The following INPP4B variants were observed in gnomAD, a reference collection of about 807,000 sequenced individuals.
The protein encoded by INPP4B is inositol polyphosphate-4-phosphatase type II B, also known as inositol polyphosphate 4-phosphatase type II.
INPP4B carries 55 observed loss-of-function variants against 122.5 expected under a neutral mutation model. The ratio of observed to expected loss-of-function variants is 0.45; its 90% CI spans 0.36 to 0.56. INPP4B has a LOEUF of 0.56. Among genes scored for constraint, INPP4B ranks in the 20% least tolerant of loss-of-function variants. The pLI, the probability that INPP4B is intolerant of heterozygous loss-of-function variation, is 0.00. For synonymous variants in INPP4B, 403 were observed against 388.7 expected (o/e 1.04, Z -0.43); for missense variants, 1,000 against 1,097.7 (o/e 0.91, Z 1.26).
chr4:142,405,307 C>G lies in INPP4B; in HGVS notation c.154G>C (p.Ala52Pro). ...EFILACKDLV[A>P]PVRDRKLNTL... ...TTCAGTTTACGATCACGGACAGGAG[C>G]CACGAGATCCTTGCATGCTGGCAAC... Residue 52 changes from alanine to proline, a missense_variant, in exon 6 of 26, where the codon GCT (alanine) becomes CCT (proline). Transcript: ENST00000262992. The G allele has an allele frequency of 6.8e-6, 11 of 1,609,264 alleles. No homozygotes were observed. Among genetic ancestry groups the G allele is most frequent in the Non-Finnish European group, 9.4e-6 (11 of 1,176,020 alleles).
At chr4:142,497,993 G>A (rs1360079765) in intron 2 of INPP4B, among the ~76,000 whole-genome samples, 6 of 151,970 alleles carry the variant, frequency 3.9e-5, no homozygotes, top group African/African-American at 1.4e-4. Context: ...AGAAAAAACT[G>A]CAGTCAAAGC....
Position 142,055,741 on chromosome 4 carries a change from C to T in INPP4B, c.2642+26290G>A, listed in dbSNP as rs181545985. ...TGTGTTCATGGAATATTAGAAGGAT[C>T]CTTTAACACAGCAGTCCCCACACTT... On this transcript the variant is annotated intron_variant, in intron 25 of 25. Transcript: ENST00000262992. Among the ~76,000 whole-genome samples, 3 of 150,842 alleles carry T rather than the reference C, an allele frequency of 2.0e-5. No individual in the cohort carries two copies. In the East Asian group the frequency reaches 5.9e-4, roughly 30 times the overall value.
intron 25 of INPP4B, among the ~76,000 whole-genome samples, chr4:142,054,064 G>T (rs988344821): frequency 7.5e-6 from 1 of 134,226 alleles, no homozygotes; most frequent in African/African-American, 2.8e-5. Flanking sequence ...ATTGTCTTTG[G>T]ATAACATTGC....
intron 1 of INPP4B, among the ~76,000 whole-genome samples, chr4:142,827,134 C>T (rs1257769622): frequency 6.6e-6 from 1 of 152,122 alleles, no homozygotes; most frequent in African/African-American, 2.4e-5. Flanking sequence ...TTGGTTTCAC[C>T]CCACACAGCA....
intron 2 of INPP4B, among the ~76,000 whole-genome samples, chr4:142,712,828 T>G (rs907518319): frequency 5.9e-5 from 9 of 152,254 alleles, no homozygotes; most frequent in African/African-American, 2.2e-4. Context: ...TATCCTCATC[T>G]AATTTTCACA....
At chr4:142,623,614 A>T (rs564157990) in intron 2 of INPP4B, among the ~76,000 whole-genome samples, 1 of 151,730 alleles carries the variant, frequency 6.6e-6, no homozygotes, top group East Asian at 1.9e-4. Flanking sequence ...CATGCGCACA[A>T]TGTGCAGGTT....
chr4:142,645,380 T>C (rs1236609547), intron 2 of INPP4B, among the ~76,000 whole-genome samples: 3 of 152,202 alleles, frequency 2.0e-5, no homozygotes, highest in Non-Finnish European at 4.4e-5. Context: ...GAGGCATTAA[T>C]TTGTTTCCAA....
chr4:142,551,152 C>T (rs1378142093), intron 2 of INPP4B, among the ~76,000 whole-genome samples: 4 of 152,180 alleles, frequency 2.6e-5, no homozygotes, highest in African/African-American at 9.7e-5. Context: ...GGCTGCCCAG[C>T]AAGCACACAT....
chr4:142,593,730 A>T (rs1249993489), intron 2 of INPP4B, among the ~76,000 whole-genome samples: 1 of 152,082 alleles, frequency 6.6e-6, no homozygotes, highest in African/African-American at 2.4e-5. Flanking sequence ...CTTTTATAAC[A>T]ATATTATTAT....
chr4:142,154,912 AAC>A (rs561613866), intron 17 of INPP4B, among the ~76,000 whole-genome samples: 153 of 152,172 alleles, frequency 1.0e-3, no homozygotes, highest in African/African-American at 3.5e-3. Flanking sequence ...ACATGGAGAA[AAC>A]AGACATATAA....
chr4:142,051,982 G>T (rs2152395709), intron 25 of INPP4B, among the ~76,000 whole-genome samples: 1 of 152,010 alleles, frequency 6.6e-6, no homozygotes, highest in Admixed American at 6.6e-5. Context: ...ATAAGTAAAG[G>T]TAATAACACC....
At chr4:142,740,395 C>T (rs1767730208) in intron 1 of INPP4B, among the ~76,000 whole-genome samples, 1 of 151,990 alleles carries the variant, frequency 6.6e-6, no homozygotes, top group Non-Finnish European at 1.5e-5. Flanking sequence ...CGCTTTTCTG[C>T]TTCAAAACAT....
At chr4:142,186,358 C>G in intron 15 of INPP4B, among the ~76,000 whole-genome samples, 1 of 152,152 alleles carries the variant, frequency 6.6e-6, no homozygotes, top group East Asian at 1.9e-4. Flanking sequence ...GTGTGGTAAT[C>G]TGACTAATGT....
At chr4:142,395,302 C>T (rs541332465) in intron 7 of INPP4B, among the ~76,000 whole-genome samples, 2 of 152,252 alleles carry the variant, frequency 1.3e-5, no homozygotes, top group Middle Eastern at 3.4e-3. Context: ...AGCATCAATG[C>T]TAAAAGAAAT....
intron 12 of INPP4B, among the ~76,000 whole-genome samples, chr4:142,211,421 A>C (rs1240307192): frequency 6.6e-6 from 1 of 152,164 alleles, no homozygotes. Flanking sequence ...CTCAATGGTC[A>C]AAAAACCTCC....
At chr4:142,618,936 T>C (rs1433571732) in intron 2 of INPP4B, among the ~76,000 whole-genome samples, 2 of 151,986 alleles carry the variant, frequency 1.3e-5, no homozygotes, top group African/African-American at 4.8e-5. Flanking sequence ...ATGACTTGAA[T>C]ATACATTTCT....
chr4:142,203,703 G>T (rs1367289938), intron 14 of INPP4B, among the ~76,000 whole-genome samples: 1 of 152,010 alleles, frequency 6.6e-6, no homozygotes, highest in East Asian at 1.9e-4. Flanking sequence ...CATTAGTTCT[G>T]CTCAGTTACT....
chr4:142,504,373 G>A (rs965022738), intron 2 of INPP4B, among the ~76,000 whole-genome samples: 1 of 151,942 alleles, frequency 6.6e-6, no homozygotes, highest in African/African-American at 2.4e-5. Context: ...AGGGATGTAG[G>A]AAAAAAGAAA....
intron 7 of INPP4B, among the ~76,000 whole-genome samples, chr4:142,390,302 C>G (rs895689779): frequency 1.3e-5 from 2 of 152,038 alleles, no homozygotes; most frequent in Non-Finnish European, 2.9e-5. Flanking sequence ...TTTGAATAAA[C>G]TATCAGAAAA....
Sources: gnomAD v4.1 joint callset for allele counts (sites outside exome capture counted in the v4.1 genomes callset) on GRCh38, gnomAD v4.1.1 for gene constraint, MANE v1.5 for transcripts, NCBI Gene and HGNC (gene_info 2026-07-23, HGNC 2026-07-21) for gene names.